TTC28: variants seen among roughly 807,000 people sequenced by gnomAD.
The protein encoded by TTC28 is tetratricopeptide repeat protein 28.
Under a neutral mutation model 198.0 loss-of-function variants are expected in TTC28, and 61 were observed. The observed-to-expected ratio is 0.31, with a 90% CI of 0.25 to 0.38. TTC28 has a LOEUF of 0.38. TTC28 is among the 10% of genes least tolerant of loss of function. The pLI is 1.00. For synonymous variants in TTC28, 1,171 were observed against 1,297.8 expected (o/e 0.90, Z 2.10); for missense variants, 2,678 against 3,164.0 (o/e 0.85, Z 3.69).
intron 5 of TTC28, among the ~76,000 whole-genome samples, chr22:28,288,570 G>C (rs1475464817): frequency 6.6e-6 from 1 of 152,030 alleles, no homozygotes; most frequent in African/African-American, 2.4e-5. Context: ...CACTTTGAGA[G>C]ACTGAGGCAG....
chr22:28,244,754 A>G (rs1272805885), intron 5 of TTC28, among the ~76,000 whole-genome samples: 1 of 152,158 alleles, frequency 6.6e-6, no homozygotes, highest in African/African-American at 2.4e-5. Context: ...TTTCTTGCTC[A>G]TGTTCATTTA....
chr22:28,457,968 CTTTA>C (rs1017325232), intron 2 of TTC28, among the ~76,000 whole-genome samples: 37 of 151,976 alleles, frequency 2.4e-4, no homozygotes, highest in African/African-American at 8.7e-4. Flanking sequence ...TATACGTGGT[CTTTA>C]TTTAATTATT....
At chr22:28,041,736 A>T in intron 12 of TTC28, among the ~76,000 whole-genome samples, 1 of 152,216 alleles carries the variant, frequency 6.6e-6, no homozygotes, top group Non-Finnish European at 1.5e-5. Context: ...GACAAATGGG[A>T]TCTAATTAAA....
intron 21 of TTC28, chr22:27,985,558 C>G: frequency 2.1e-6 from 1 of 474,036 alleles, no homozygotes; most frequent in Non-Finnish European, 3.9e-6. Flanking sequence ...AGAACATCCA[C>G]TCTACGCAGC....
intron 2 of TTC28, among the ~76,000 whole-genome samples, chr22:28,312,186 C>T (rs2045272042): frequency 6.6e-6 from 1 of 152,054 alleles, no homozygotes; most frequent in African/African-American, 2.4e-5. Context: ...ATATATGCAA[C>T]CAATATAGGA....
Position 27,981,510 on chromosome 22 carries a change from T to C in TTC28, c.*711A>G, listed in dbSNP as rs1937022150. The C allele has an allele frequency of 6.6e-6, 1 of 152,016 alleles. No individual in the cohort carries two copies. The highest frequency in any genetic ancestry group is 2.4e-5 in the African/African-American group (1 of 41,406). 9.4% of individuals were successfully genotyped at this position (152,016 alleles called of 1,614,324 possible). A position where few individuals can be genotyped will look rare whatever the true frequency, so the allele number is the denominator to read the frequency against. On this transcript the variant is annotated 3_prime_UTR_variant, in exon 23 of 23. Transcript: ENST00000397906. Reference sequence around the variant, plus strand: ...ATTGCATAGTTCTAAAATGCCTGGATAAGAGTTACATAATTTTTTTTTTAA... The same window carrying C: ...ATTGCATAGTTCTAAAATGCCTGGACAAGAGTTACATAATTTTTTTTTTAA...
intron 5 of TTC28, among the ~76,000 whole-genome samples, chr22:28,189,592 C>T (rs1168006030): frequency 2.7e-5 from 4 of 150,784 alleles, no homozygotes; most frequent in South Asian, 2.1e-4. Context: ...AAAAAAAAGA[C>T]CTTCTGTGAA....
intron 12 of TTC28, among the ~76,000 whole-genome samples, chr22:28,038,006 A>G (rs1939438676): frequency 6.6e-6 from 1 of 152,240 alleles, no homozygotes; most frequent in African/African-American, 2.4e-5. Flanking sequence ...CCACTGCTCA[A>G]TGAAATAAAA....
intron 12 of TTC28, among the ~76,000 whole-genome samples, chr22:28,060,499 C>T (rs567415741): frequency 1.7e-4 from 26 of 152,258 alleles, no homozygotes; most frequent in African/African-American, 6.3e-4. Flanking sequence ...TCTATCATTG[C>T]TGGACATCTG....
At chr22:28,577,448 T>C (rs1047833492) in intron 2 of TTC28, among the ~76,000 whole-genome samples, 11 of 152,240 alleles carry the variant, frequency 7.2e-5, no homozygotes, top group Middle Eastern at 6.8e-3. Context: ...CTGTAGACAC[T>C]GGGTGAAATG....
At chr22:28,325,838 T>C (rs2045521144) in intron 2 of TTC28, among the ~76,000 whole-genome samples, 1 of 151,910 alleles carries the variant, frequency 6.6e-6, no homozygotes, top group South Asian at 2.1e-4. Flanking sequence ...AAAGGAAAAA[T>C]GACAATACCA....
At chr22:28,078,922 T>G (rs1332223549) in intron 12 of TTC28, among the ~76,000 whole-genome samples, 3 of 152,102 alleles carry the variant, frequency 2.0e-5, no homozygotes, top group Non-Finnish European at 4.4e-5. Flanking sequence ...AGCATGTGGA[T>G]AACTCTAAGG....
At position 27,979,515 on chromosome 22, in the gene TTC28, A is replaced by T. The variant is rs1453440492; in HGVS notation, c.*2706T>A. On this transcript the variant is annotated 3_prime_UTR_variant, in exon 23 of 23. Coordinates refer to ENST00000397906, the MANE Select transcript of TTC28 (RefSeq NM_001145418.2). ...AAAAAGGCCAGGTATTGAATATTTT[A>T]TGTGGTGTGGGCCAAAGGCAAAATC... 1 of 151,432 alleles carries T rather than the reference A, an allele frequency of 6.6e-6. No homozygotes were observed. Among genetic ancestry groups the T allele is most frequent in the African/African-American group, 2.4e-5 (1 of 41,126 alleles). The allele number at this position is 151,432 out of a possible 1,614,324, so 9.4% of individuals were successfully genotyped here. A position where few individuals can be genotyped will look rare whatever the true frequency, so the allele number is the denominator to read the frequency against.
intron 5 of TTC28, among the ~76,000 whole-genome samples, chr22:28,248,534 AT>A (rs536700477): frequency 1.3e-5 from 2 of 151,668 alleles, no homozygotes; most frequent in African/African-American, 2.4e-5. Flanking sequence ...TAAGTGGCTA[AT>A]TTTTTTTTCC....
intron 5 of TTC28, among the ~76,000 whole-genome samples, chr22:28,281,273 C>T (rs1031868715): frequency 6.6e-6 from 1 of 152,016 alleles, no homozygotes; most frequent in African/African-American, 2.4e-5. Flanking sequence ...GACACTGAGG[C>T]TCTTTTTATT....
At chr22:28,558,038 A>T (rs565623963) in intron 2 of TTC28, among the ~76,000 whole-genome samples, 1 of 151,880 alleles carries the variant, frequency 6.6e-6, no homozygotes, top group Admixed American at 6.5e-5. Flanking sequence ...TTTTATTTTG[A>T]TTTTTTTACT....
intron 2 of TTC28, among the ~76,000 whole-genome samples, chr22:28,465,036 C>T (rs981822822): frequency 1.3e-5 from 2 of 152,152 alleles, no homozygotes; most frequent in African/African-American, 4.8e-5. Flanking sequence ...ATTTCTGTAC[C>T]TCTGTGTGTC....
At chr22:28,400,128 C>T (rs1215621990) in intron 2 of TTC28, among the ~76,000 whole-genome samples, 1 of 152,190 alleles carries the variant, frequency 6.6e-6, no homozygotes, top group Non-Finnish European at 1.5e-5. Context: ...ACAATCTTCA[C>T]CTTTCCATTT....
At chr22:28,203,230 A>T (rs1926122236) in intron 5 of TTC28, among the ~76,000 whole-genome samples, 2 of 152,108 alleles carry the variant, frequency 1.3e-5, no homozygotes, top group South Asian at 4.1e-4. Flanking sequence ...AAGTCACTGA[A>T]TCTTCTGGAG....
Sources: gnomAD v4.1 joint callset for allele counts (sites outside exome capture counted in the v4.1 genomes callset) on GRCh38, gnomAD v4.1.1 for gene constraint, MANE v1.5 for transcripts, NCBI Gene and HGNC (gene_info 2026-07-23, HGNC 2026-07-21) for gene names.